Variants in ARHGEF10L observed in about 807,000 individuals in gnomAD.
ARHGEF10L encodes rho guanine nucleotide exchange factor 10-like protein.
In ARHGEF10L, 69 loss-of-function variants were observed where a neutral mutation model predicts 141.2. That is an observed-to-expected ratio of 0.49 (90% CI 0.40 to 0.60). The LOEUF is 0.60. Among genes scored for constraint, ARHGEF10L ranks in the 20% least tolerant of loss-of-function variants. ARHGEF10L has a pLI of 0.00. For synonymous variants in ARHGEF10L, 711 were observed against 718.5 expected, an observed-to-expected ratio of 0.99 and a Z score of 0.17; for missense variants, 1,482 against 1,734.3, an observed-to-expected ratio of 0.85 and a Z score of 2.58.
chr1:17,563,184 C>T (rs1487693637), intron 1 of ARHGEF10L, among the ~76,000 whole-genome samples: 2 of 151,312 alleles, frequency 1.3e-5, no homozygotes, highest in African/African-American at 4.9e-5. Flanking sequence ...GGAATACCCA[C>T]ACTGGGCCAG....
In ARHGEF10L at chr1:17,673,241, A is replaced by AC. The variant is rs377687415; in HGVS notation, c.3009+8652dup. Among the ~76,000 whole-genome samples, 80 of 151,388 alleles carry AC rather than the reference A, an allele frequency of 5.3e-4. No homozygotes were observed. The highest frequency in any genetic ancestry group is 1.8e-3 in the African/African-American group (73 of 41,182). ...AGGGGCAGTCCTGTCCTTGTGAGCC[A>AC]CCCCCCAGTCTTAGCTGGTAGCAGC... On this transcript the variant is annotated intron_variant, in intron 26 of 28. Transcript: ENST00000361221. This position sits in a 1 kb window ranked among gnomAD's most constrained non-coding sequence, Gnocchi z 4.1.
intron 1 of ARHGEF10L, among the ~76,000 whole-genome samples, chr1:17,557,033 TAAAAAAA>T (rs370811589): frequency 8.4e-6 from 1 of 119,080 alleles, no homozygotes; most frequent in East Asian, 2.4e-4. Context: ...CTCCATCTCT[TAAAAAAA>T]AAAAAAAAAA....
Position 17,638,644 on chromosome 1 carries a change from C to A in ARHGEF10L, c.2126C>A (p.Ala709Asp). ...MRVKEEEIHS[A>D]NKCRLRLLLP... Reference sequence around the variant, plus strand: ...GTGAAGGAGGAAGAGATCCACTCGGCCAACAAGTGCCGTCTCAGGCTCCTG... The same window carrying A: ...GTGAAGGAGGAAGAGATCCACTCGGACAACAAGTGCCGTCTCAGGCTCCTG... The change falls in exon 20 of 29, where the codon GCC becomes GAC. Residue 709 changes from alanine to aspartate, a missense_variant. Ala to Asp is a moderately radical substitution (Grantham distance 126). Around this residue, in one of 3 missense-constraint regions of ARHGEF10L, gnomAD observed 858 missense variants for 966.3 expected, o/e 0.89. Coordinates refer to ENST00000361221, the MANE Select transcript of ARHGEF10L (RefSeq NM_018125.4). 6.2e-7 allele frequency: 1 copy of A among 1,614,128 alleles called. No homozygotes were observed. The highest frequency in any genetic ancestry group is 8.5e-7 in the Non-Finnish European group (1 of 1,180,028).
At chr1:17,553,078 C>A (rs1351295535) in intron 1 of ARHGEF10L, among the ~76,000 whole-genome samples, 1 of 152,224 alleles carries the variant, frequency 6.6e-6, no homozygotes, top group African/African-American at 2.4e-5. Context: ...CCTGGCTCAT[C>A]ATCTTTCAGC....
At chr1:17,636,306 C>A (rs1173296269) in intron 18 of ARHGEF10L, among the ~76,000 whole-genome samples, 1 of 152,184 alleles carries the variant, frequency 6.6e-6, no homozygotes, top group Non-Finnish European at 1.5e-5. Flanking sequence ...TGGAACCCTT[C>A]ATTATATTGT....
At position 17,619,279 on chromosome 1, in the gene ARHGEF10L, G is replaced by A. The variant is rs76254990; in HGVS notation, c.836-60G>A. On this transcript the variant is annotated intron_variant, in intron 9 of 28. Transcript: ENST00000361221. This position sits in a 1 kb window ranked among gnomAD's most constrained non-coding sequence, Gnocchi z 5.0. ...TCTAGGGGGGCTCTCAGCTCCTGAG[G>A]CCTGAGCAGGGTGTGCTGTCCCTGC... 1,775 of 1,517,378 alleles carry A rather than the reference G, an allele frequency of 1.2e-3. 16 individuals carry two copies. In the African/African-American group the frequency reaches 0.02, roughly 17 times the overall value. The allele number at this position is 1,517,378 out of a possible 1,614,324, so 94.0% of individuals were successfully genotyped here.
intron 9 of ARHGEF10L, among the ~76,000 whole-genome samples, chr1:17,617,751 G>T (rs1053947396): frequency 6.6e-6 from 1 of 152,120 alleles, no homozygotes; most frequent in African/African-American, 2.4e-5. Flanking sequence ...CAGTGGGGTG[G>T]CTGTCTGTCT....
intron 7 of ARHGEF10L, among the ~76,000 whole-genome samples, chr1:17,611,441 A>T (rs1179685160): frequency 6.6e-6 from 1 of 152,150 alleles, no homozygotes; most frequent in Admixed American, 6.5e-5. Context: ...TGTCCTTAAG[A>T]TTCTCATTTT....
At chr1:17,687,943 C>A (rs766619001) in intron 27 of ARHGEF10L, among the ~76,000 whole-genome samples, 196 bp downstream of exon 27, 1 of 152,198 alleles carries the variant, frequency 6.6e-6, no homozygotes, top group African/African-American at 2.4e-5. Context: ...CCCTGCCTGT[C>A]ACTGTGCCCA....
Position 17,615,779 on chromosome 1 carries a change from C to T in ARHGEF10L, c.727-315C>T, listed in dbSNP as rs541943231. 1.2e-5 allele frequency: 3 copies of T among 242,888 alleles called. No homozygotes were observed. The highest frequency in any genetic ancestry group is 2.2e-5 in the African/African-American group (1 of 45,182). The allele number at this position is 242,888 out of a possible 1,614,324, so 15.0% of individuals were successfully genotyped here. ...TGCCATTGGCGGGTGGCCCAGGGCTCCAGGTCTCCAGCACCCCTCGGCCCC... is the reference window on the plus strand; with the variant it reads ...TGCCATTGGCGGGTGGCCCAGGGCTTCAGGTCTCCAGCACCCCTCGGCCCC... On this transcript the variant is annotated intron_variant, in intron 8 of 28. Transcript: ENST00000361221. This position sits in a 1 kb window ranked among gnomAD's most constrained non-coding sequence, Gnocchi z 4.7.
chr1:17,535,820 A>G (rs1412223486), upstream of ARHGEF10L, among the ~76,000 whole-genome samples: 1 of 152,216 alleles, frequency 6.6e-6, no homozygotes, highest in Admixed American at 6.5e-5. Context: ...TCATCTATTC[A>G]GCACATATTT....
At chr1:17,686,916 C>G (rs1569718122) in intron 26 of ARHGEF10L, among the ~76,000 whole-genome samples, 1 of 150,012 alleles carries the variant, frequency 6.7e-6, no homozygotes, top group Non-Finnish European at 1.5e-5. Context: ...ACATCTCAGT[C>G]CTGCTTTTTG....
chr1:17,532,498 C>T, the ARHGEF10L span, among the ~76,000 whole-genome samples: 4,663 of 152,142 alleles, frequency 0.031, 234 homozygotes, highest in African/African-American at 0.11. Flanking sequence ...GTTTGGCCTG[C>T]TGGGTAGAGG....
Position 17,697,053 on chromosome 1 carries a change from C to T in ARHGEF10L, c.3513C>T (p.Ile1171=). 1.9e-6 allele frequency: 3 copies of T among 1,603,868 alleles called. No individual in the cohort carries two copies. Among genetic ancestry groups the T allele is most frequent in the Non-Finnish European group, 2.6e-6 (3 of 1,174,184 alleles). Residue 1171 remains isoleucine, a synonymous_variant, in exon 29 of 29, where the codon ATC becomes ATT. Transcript: ENST00000361221. This position sits in a 1 kb window ranked among gnomAD's most constrained non-coding sequence, Gnocchi z 4.8. The part of the protein sequence containing the change: ...VGRELTRKKG[I]LLQYRLRSTA... ...GAGAGCTGACCCGCAAGAAGGGCAT[C>T]CTCTTGCAGTACCGCCTGCGCTCCA...
chr1:17,548,646 CT>C (rs892480738), intron 1 of ARHGEF10L, among the ~76,000 whole-genome samples: 1,738 of 88,308 alleles, frequency 0.02, 3 homozygotes, highest in African/African-American at 0.054. Context: ...CAAAATAATT[CT>C]TTTTTTTTTT....
chr1:17,517,644 C>G, the ARHGEF10L span, among the ~76,000 whole-genome samples: 1 of 151,692 alleles, frequency 6.6e-6, no homozygotes, highest in Admixed American at 6.6e-5. Flanking sequence ...GAGCCAATAG[C>G]CAGGATTATC....
rs955397794 is a variant in ARHGEF10L at position 17,558,211 on chromosome 1, A to G, written c.-44+18261A>G. On this transcript the variant is annotated intron_variant, in intron 1 of 28. Transcript: ENST00000361221. The surrounding 1 kb of genome is among the most constrained non-coding windows in gnomAD (Gnocchi z 4.2). ...CACCCATCCATCCATCCATCCATCC[A>G]TCCGCCTGCCCATCCATTCATCCAT... Among the ~76,000 whole-genome samples the G allele has an allele frequency of 1.3e-5, 2 of 151,338 alleles. No individual in the cohort carries two copies. The highest frequency in any genetic ancestry group is 3.9e-4 in the East Asian group (2 of 5,162).
rs192080208 is a variant in ARHGEF10L at position 17,596,609 on chromosome 1, G to A, written c.258-5518G>A. 7.6e-3 allele frequency among the ~76,000 whole-genome samples: 1,157 copies of A among 152,316 alleles called. 44 individuals carry two copies. Among genetic ancestry groups the A allele is most frequent in the Admixed American group, 0.063 (958 of 15,298 alleles). ...GGAATCCTTAGCTTGTTCTGGTTTTGGGGGTCTCCTCCCCGACCACCCACA... is the reference window on the plus strand; with the variant it reads ...GGAATCCTTAGCTTGTTCTGGTTTTAGGGGTCTCCTCCCCGACCACCCACA... On this transcript the variant is annotated intron_variant, in intron 4 of 28. Transcript: ENST00000361221.
intron 7 of ARHGEF10L, 57 bp downstream of exon 7, chr1:17,608,034 AG>A: frequency 7.5e-6 from 2 of 266,348 alleles, no homozygotes; most frequent in Non-Finnish European, 1.6e-5. Context: ...CCCTTCAGGG[AG>A]GGAGGGAGGG....
Sources: gnomAD v4.1 joint callset for allele counts (sites outside exome capture counted in the v4.1 genomes callset) on GRCh38, gnomAD v4.1.1 for gene constraint, gnomAD v4.1.1 regional missense constraint, Gnocchi (gnomAD v3.1) non-coding constraint, MANE v1.5 for transcripts, NCBI Gene and HGNC (gene_info 2026-07-23, HGNC 2026-07-21) for gene names.